FCF1: variants seen among roughly 807,000 people sequenced by gnomAD.
FCF1 encodes rRNA-processing protein FCF1 homolog.
In FCF1, 17 loss-of-function variants were observed where a neutral mutation model predicts 32.5. The observed-to-expected ratio is 0.52, with a 90% CI of 0.36 to 0.78. The LOEUF (loss-of-function observed/expected upper bound fraction) is 0.78. Ranked by LOEUF, FCF1 falls within the 30% of genes least tolerant of loss-of-function variation. FCF1 has a pLI of 0.00. For synonymous variants in FCF1, 84 were observed against 78.4 expected (o/e 1.07, Z -0.38); for missense variants, 201 against 241.1 (o/e 0.83, Z 1.10).
rs1394153218 is a variant in FCF1 at position 74,737,109 on chromosome 14, C to G, written c.*2179C>G. ...CATTAACCTATGTATAATCCCAGCA[C>G]TTTGGGAGACTGAGGTGGGCAGATC... On this transcript the variant is annotated 3_prime_UTR_variant, in exon 8 of 8. Coordinates refer to ENST00000341162, the MANE Select transcript of FCF1 (RefSeq NM_015962.5). 4 of 152,248 alleles carry G rather than the reference C, an allele frequency of 2.6e-5. No individual in the cohort carries two copies. Among genetic ancestry groups the G allele is most frequent in the Non-Finnish European group, 5.9e-5 (4 of 68,074 alleles). The allele number at this position is 152,248 out of a possible 1,614,324, so 9.4% of individuals were successfully genotyped here.
chr14:74,713,441 C>T (rs756257332), intron 1 of FCF1, 44 bp from the exon 2 acceptor site: 57 of 1,586,984 alleles, frequency 3.6e-5, no homozygotes, highest in Middle Eastern at 3.4e-4. Flanking sequence ...TTAAAAGATG[C>T]CGTGTGTTTC....
chr14:74,717,272 C>T (rs1313305003), intron 4 of FCF1, among the ~76,000 whole-genome samples: 1 of 151,984 alleles, frequency 6.6e-6, no homozygotes, highest in African/African-American at 2.4e-5. Flanking sequence ...AGGAGAATCG[C>T]TGGAACCTGG....
At chr14:74,724,584 C>T (rs1224207915) in intron 5 of FCF1, among the ~76,000 whole-genome samples, 2 of 152,190 alleles carry the variant, frequency 1.3e-5, no homozygotes, top group African/African-American at 4.8e-5. Flanking sequence ...CCACACCCAA[C>T]CCCCGAGTAT....
chr14:74,730,434 C>A, intron 5 of FCF1, among the ~76,000 whole-genome samples: 1 of 151,928 alleles, frequency 6.6e-6, no homozygotes, highest in Admixed American at 6.6e-5. Context: ...TTGGTAGAGA[C>A]TGGGCATGGT....
chr14:74,715,994 C>T lies in FCF1; in HGVS notation c.187C>T (p.Leu63=). 1 of 1,613,940 alleles carries T rather than the reference C, an allele frequency of 6.2e-7. No homozygotes were observed. The highest frequency in any genetic ancestry group is 1.1e-5 in the South Asian group (1 of 91,080). Reference sequence around the variant, plus strand: ...CTTATTTTTCCAATATAATACACAGCTGGGCCCACCTTACCACATCCTCGT... The same window carrying T: ...CTTATTTTTCCAATATAATACACAGTTGGGCCCACCTTACCACATCCTCGT... ...SCLFFQYNTQ[L]GPPYHILVDT... is the part of the protein sequence containing the mutation. Residue 63 remains leucine, a synonymous_variant, in exon 4 of 8, where the codon CTG becomes TTG. Transcript: ENST00000341162.
At chr14:74,714,834 TC>T in intron 2 of FCF1, 37 bp from the exon 3 acceptor site, 1 of 1,524,336 alleles carries the variant, frequency 6.6e-7, no homozygotes. Context: ...CTGTGGTTTT[TC>T]TTCTCCCTTG....
chr14:74,732,802 T>C lies in FCF1; in HGVS notation c.437T>C (p.Val146Ala), dbSNP rs2090656252. 13 of 1,603,184 alleles carry C rather than the reference T, an allele frequency of 8.1e-6. No individual in the cohort carries two copies. The highest frequency in any genetic ancestry group is 1.3e-5 in the African/African-American group (1 of 74,674). ...HKGTYADDCL[V>A]QRVTQHKCYI... ...GGAACCTATGCAGATGACTGCTTAGTACAGAGAGTAACTCAGGTATTATCA... is the reference window on the plus strand; with the variant it reads ...GGAACCTATGCAGATGACTGCTTAGCACAGAGAGTAACTCAGGTATTATCA... Residue 146 changes from valine (V) to alanine (A), a missense_variant, in exon 6 of 8, where the codon GTA (valine) becomes GCA (alanine). By Grantham distance (64) the Val-to-Ala change is moderately conservative. Coordinates refer to ENST00000341162, the MANE Select transcript of FCF1 (RefSeq NM_015962.5).
chr14:74,721,066 A>G (rs1434531246), intron 4 of FCF1, among the ~76,000 whole-genome samples: 1 of 140,548 alleles, frequency 7.1e-6, no homozygotes, highest in Admixed American at 7.2e-5. Context: ...TTTTTTTGAG[A>G]CAGAGCCTCA....
Position 74,732,722 on chromosome 14 carries a change from C to A in FCF1, c.366-9C>A. The A allele has an allele frequency of 6.3e-7, 1 of 1,591,142 alleles. No homozygotes were observed. The highest frequency in any genetic ancestry group is 8.6e-7 in the Non-Finnish European group (1 of 1,162,414). On this transcript the variant is annotated splice_polypyrimidine_tract_variant and intron_variant, in intron 5 of 7. Coordinates refer to ENST00000341162, the MANE Select transcript of FCF1 (RefSeq NM_015962.5). The stretch of plus-strand genomic sequence containing the variant: ...AGCTGATTGAATGTTTTCTTTAATC[C>A]ACCTACAGGATTGCCAAGGATCCAA...
chr14:74,713,387 T>C (rs2090360255), intron 1 of FCF1, 98 bp from the exon 2 acceptor site: 1 of 1,544,814 alleles, frequency 6.5e-7, no homozygotes, highest in African/African-American at 1.4e-5. Flanking sequence ...CTGGGTTATT[T>C]GAGGCAAGAA....
intron 3 of FCF1, chr14:74,715,690 G>T: frequency 1.7e-6 from 1 of 585,962 alleles, no homozygotes; most frequent in Non-Finnish European, 2.9e-6. Flanking sequence ...TAGAGGAAGA[G>T]CTAGATTGGA....
intron 2 of FCF1, among the ~76,000 whole-genome samples, chr14:74,714,527 G>T (rs1252733577): frequency 6.6e-6 from 1 of 152,164 alleles, no homozygotes; most frequent in Non-Finnish European, 1.5e-5. Context: ...TGAATCTTCA[G>T]AAGATAACTG....
intron 4 of FCF1, among the ~76,000 whole-genome samples, chr14:74,719,337 C>A (rs951355905): frequency 6.8e-6 from 1 of 146,940 alleles, no homozygotes; most frequent in African/African-American, 2.5e-5. Context: ...GAAAGTTGGG[C>A]TGGGCGAGAT....
chr14:74,721,524 A>G (rs2090503504), intron 4 of FCF1, among the ~76,000 whole-genome samples: 1 of 152,020 alleles, frequency 6.6e-6, no homozygotes, highest in African/African-American at 2.4e-5. Flanking sequence ...AACATGGTGA[A>G]ACCTTGTCTT....
Position 74,713,538 on chromosome 14 carries a change from CAG to C in FCF1, c.61_62del (p.Asp21SerfsTer4). 1 of 1,611,992 alleles carries C rather than the reference CAG, an allele frequency of 6.2e-7. No individual in the cohort carries two copies. Among genetic ancestry groups the C allele is most frequent in the East Asian group, 2.2e-5 (1 of 44,876 alleles). On this transcript the variant is annotated frameshift_variant, in exon 2 of 8. Transcript: ENST00000341162. LOFTEE classifies it high-confidence loss of function. The stretch of plus-strand genomic sequence containing the variant: ...CGACCATGAAGCGAATGCTTAGTCT[CAG>C]AGATCAGAGGCTGTGAGTGTCTGGA... The part of the protein sequence containing the change: ...YATMKRMLSL[R>X]DQRLKEKDRL...
chr14:74,715,867 C>T (rs1276540298), intron 3 of FCF1, 84 bp from the exon 4 acceptor site: 4 of 1,607,854 alleles, frequency 2.5e-6, no homozygotes, highest in Non-Finnish European at 2.5e-6. Context: ...AGCAAACAGT[C>T]CCAAGCAGAC....
chr14:74,733,048 G>C (rs1182239226), intron 6 of FCF1, among the ~76,000 whole-genome samples: 2 of 152,150 alleles, frequency 1.3e-5, no homozygotes, highest in African/African-American at 2.4e-5. Context: ...GCTTGGGGAG[G>C]AGACATGGGT....
chr14:74,737,463 T>G lies in FCF1; in HGVS notation c.*2533T>G, dbSNP rs2090717826. 2 of 152,258 alleles carry G rather than the reference T, an allele frequency of 1.3e-5. No individual in the cohort carries two copies. Among genetic ancestry groups the G allele is most frequent in the African/African-American group, 4.8e-5 (2 of 41,466 alleles). The allele number at this position is 152,258 out of a possible 1,614,324, so 9.4% of individuals were successfully genotyped here. A position where few individuals can be genotyped will look rare whatever the true frequency, so the allele number is the denominator to read the frequency against. Reference sequence around the variant, plus strand: ...AATTTCATTAACAGGCCAAATAGTCTGGAGTCATTCTGTTAGTGTTAGAAT... The same window carrying G: ...AATTTCATTAACAGGCCAAATAGTCGGGAGTCATTCTGTTAGTGTTAGAAT... On this transcript the variant is annotated 3_prime_UTR_variant, in exon 8 of 8. Coordinates refer to ENST00000341162, the MANE Select transcript of FCF1 (RefSeq NM_015962.5).
At chr14:74,726,979 G>A (rs2090585268) in intron 5 of FCF1, among the ~76,000 whole-genome samples, 1 of 151,938 alleles carries the variant, frequency 6.6e-6, no homozygotes, top group Non-Finnish European at 1.5e-5. Flanking sequence ...GTGTATATGT[G>A]CCACATTTTC....
Sources: allele counts gnomAD v4.1 joint callset (sites outside exome capture counted in the v4.1 genomes callset), GRCh38; gene constraint gnomAD v4.1.1; transcripts MANE v1.5; gene names NCBI Gene and HGNC (gene_info 2026-07-23, HGNC 2026-07-21).